TG: variants seen among roughly 807,000 people sequenced by gnomAD.
The protein encoded by TG is thyroglobulin, also known as thyroid hormones.
TG carries 270 observed loss-of-function variants against 324.7 expected under a neutral mutation model. That is an observed-to-expected ratio of 0.83 (90% CI 0.75 to 0.92). TG has a LOEUF of 0.92. TG is among the 40% of genes least tolerant of loss of function. The pLI is 0.00. For synonymous variants in TG, 1,401 were observed against 1,327.0 expected, an observed-to-expected ratio of 1.06 and a Z score of -1.21; for missense variants, 3,591 against 3,456.4, an observed-to-expected ratio of 1.04 and a Z score of -0.98.
intron 41 of TG, among the ~76,000 whole-genome samples, chr8:133,056,021 G>T (rs368298470): frequency 1.3e-5 from 2 of 152,106 alleles, no homozygotes; most frequent in Non-Finnish European, 1.5e-5. Context: ...TCCAGAGACC[G>T]CCCAAGAGCA....
At chr8:133,029,774 A>G (rs751452980) in intron 40 of TG, 47 bp from the exon 41 acceptor site, 2 of 1,611,688 alleles carry the variant, frequency 1.2e-6, no homozygotes, top group East Asian at 2.2e-5. Flanking sequence ...TTTCAAATCC[A>G]AGGTTGTAAA....
Position 133,096,344 on chromosome 8 carries a change from G to A in TG, c.7543G>A (p.Gly2515Arg), listed in dbSNP as rs1036754438. The A allele has an allele frequency of 2.0e-5, 32 of 1,614,054 alleles. No homozygotes were observed. The highest frequency in any genetic ancestry group is 2.7e-5 in the African/African-American group (2 of 74,914). ...GCTCATTGGGAGTTCTCAGGACGAC[G>A]GGCTCATCAACAGAGCAAAGGCTGT... ...DLLIGSSQDD[G>R]LINRAKAVKQ... Residue 2515 changes from glycine (G) to arginine (R), a missense_variant, in exon 43 of 48, where the codon GGG (glycine) becomes AGG (arginine). Physicochemically the swap from Gly to Arg is moderately radical, Grantham distance 125. Coordinates refer to ENST00000220616, the MANE Select transcript of TG (RefSeq NM_003235.5).
intron 33 of TG, 32 bp downstream of exon 33, chr8:132,971,905 G>A (rs182784807): frequency 2.0e-4 from 281 of 1,397,120 alleles, no homozygotes; most frequent in East Asian, 1.5e-3. Flanking sequence ...TCTCCCCTGC[G>A]CACAGTACTC....
intron 10 of TG, among the ~76,000 whole-genome samples, chr8:132,892,741 A>G (rs546738396): frequency 3.5e-4 from 52 of 148,270 alleles, no homozygotes; most frequent in African/African-American, 1.3e-3. Flanking sequence ...ATATGGGTGT[A>G]TGGTGTGTGC....
intron 1 of TG, among the ~76,000 whole-genome samples, chr8:132,867,596 G>A (rs1839073063): frequency 6.6e-6 from 1 of 151,272 alleles, no homozygotes; most frequent in African/African-American, 2.4e-5. Flanking sequence ...TGATTTCTGG[G>A]TAGGACCCTA....
intron 27 of TG, among the ~76,000 whole-genome samples, chr8:132,954,536 C>A (rs938338600): frequency 2.6e-5 from 4 of 152,194 alleles, no homozygotes; most frequent in African/African-American, 9.7e-5. Flanking sequence ...ACCCCGCCAG[C>A]TAGGCCAAGG....
intron 20 of TG, among the ~76,000 whole-genome samples, chr8:132,916,866 C>T (rs1190084397): frequency 6.6e-6 from 1 of 152,090 alleles, no homozygotes; most frequent in Non-Finnish European, 1.5e-5. Flanking sequence ...AACTTTCACT[C>T]ATTCACTATA....
chr8:132,966,531 A>G (rs749588308), intron 29 of TG, 29 bp from the exon 30 acceptor site: 1 of 1,613,776 alleles, frequency 6.2e-7, no homozygotes, highest in South Asian at 1.1e-5. Flanking sequence ...TTAAAGGTGC[A>G]GGAAGTTGAC....
intron 11 of TG, among the ~76,000 whole-genome samples, chr8:132,894,413 T>A (rs1477716863): frequency 6.6e-6 from 1 of 151,718 alleles, no homozygotes; most frequent in Non-Finnish European, 1.5e-5. Context: ...AGGCATAAGC[T>A]CAGGGAGCCT....
intron 42 of TG, among the ~76,000 whole-genome samples, chr8:133,095,623 A>G (rs896498004): frequency 4.6e-5 from 7 of 152,144 alleles, no homozygotes; most frequent in African/African-American, 1.7e-4. Flanking sequence ...AGTGTATTTG[A>G]GTCACTTCAC....
intron 45 of TG, among the ~76,000 whole-genome samples, chr8:133,118,295 C>A (rs1850860763): frequency 6.7e-6 from 1 of 148,746 alleles, no homozygotes; most frequent in Admixed American, 6.7e-5. Flanking sequence ...TCATTAGTTA[C>A]CTGATTCCCC....
intron 34 of TG, among the ~76,000 whole-genome samples, chr8:132,980,937 A>C (rs1021212339): frequency 1.2e-4 from 8 of 68,274 alleles, no homozygotes; most frequent in Non-Finnish European, 2.8e-4. Context: ...TAAATGAGAT[A>C]ACTGCATGCC....
intron 41 of TG, among the ~76,000 whole-genome samples, chr8:133,093,143 T>TCTTTTCTTTTC: frequency 1.1e-5 from 1 of 94,018 alleles, no homozygotes; most frequent in African/African-American, 3.2e-5. Context: ...TCTTTTCTTT[T>TCTTTTCTTTTC]TTTTTTTTAA....
At chr8:133,011,840 G>A in intron 35 of TG, 61 bp from the exon 36 acceptor site, 1 of 1,612,148 alleles carries the variant, frequency 6.2e-7, no homozygotes, top group Non-Finnish European at 8.5e-7. Context: ...GTAATACACG[G>A]CTGTCTTTGT....
chr8:133,074,319 C>T (rs1321741850), intron 41 of TG, among the ~76,000 whole-genome samples: 1 of 152,168 alleles, frequency 6.6e-6, no homozygotes, highest in Non-Finnish European at 1.5e-5. Flanking sequence ...CCTCAACCCA[C>T]CTGGCTCCAT....
chr8:133,061,824 A>C (rs1842410257), intron 41 of TG, among the ~76,000 whole-genome samples: 1 of 152,184 alleles, frequency 6.6e-6, no homozygotes, highest in Non-Finnish European at 1.5e-5. Flanking sequence ...ACACTCTCAG[A>C]GCAAGGCCCT....
chr8:133,003,065 G>C (rs1587734470), intron 35 of TG: 1 of 1,064,300 alleles, frequency 9.4e-7, no homozygotes, highest in Admixed American at 3.8e-5. Context: ...CTTTCCCTTT[G>C]TGTTTGTCAT....
In TG at chr8:132,871,339, T is replaced by C. The variant is rs373500012; in HGVS notation, c.275-9T>C. 75 of 1,614,030 alleles carry C rather than the reference T, an allele frequency of 4.6e-5. No individual in the cohort carries two copies. The highest frequency in any genetic ancestry group is 6.3e-5 in the Non-Finnish European group (74 of 1,179,970). ...CAGTTCTATCTAACATTGCTCCTTG[T>C]ACCCACAGGTCTGTCATTTTGTCAG... On this transcript the variant is annotated splice_polypyrimidine_tract_variant and intron_variant, in intron 3 of 47. Coordinates refer to ENST00000220616, the MANE Select transcript of TG (RefSeq NM_003235.5).
intron 41 of TG, among the ~76,000 whole-genome samples, chr8:133,042,678 CTTTTTT>C (rs58739514): frequency 7.9e-4 from 45 of 56,750 alleles, no homozygotes; most frequent in African/African-American, 2.1e-3. Context: ...CATTCTGTGT[CTTTTTT>C]TTTTTTTTTT....
Sources: gnomAD v4.1 joint callset for allele counts (sites outside exome capture counted in the v4.1 genomes callset) on GRCh38, gnomAD v4.1.1 for gene constraint, MANE v1.5 for transcripts, NCBI Gene and HGNC (gene_info 2026-07-23, HGNC 2026-07-21) for gene names.